GRIK2: variants seen among roughly 807,000 people sequenced by gnomAD.
GRIK2 encodes glutamate receptor ionotropic, kainate 2.
Under a neutral mutation model 100.3 loss-of-function variants are expected in GRIK2, and 32 were observed. The observed-to-expected ratio is 0.32, with a 90% CI of 0.24 to 0.43. GRIK2 has a LOEUF of 0.43. Among genes scored for constraint, GRIK2 ranks in the 20% least tolerant of loss-of-function variants. The pLI, the probability that GRIK2 is intolerant of heterozygous loss-of-function variation, is 1.00. For synonymous variants in GRIK2, 417 were observed against 389.4 expected, an observed-to-expected ratio of 1.07 and a Z score of -0.83; for missense variants, 843 against 1,114.9, an observed-to-expected ratio of 0.76 and a Z score of 3.47.
chr6:101,824,831 G>A (rs1216091215), intron 10 of GRIK2, among the ~76,000 whole-genome samples: 1 of 151,812 alleles, frequency 6.6e-6, no homozygotes, highest in Non-Finnish European at 1.5e-5. Flanking sequence ...TAAAGCTTTT[G>A]TGTCACAGCC....
At chr6:101,428,756 A>G (rs1391968443) in intron 2 of GRIK2, among the ~76,000 whole-genome samples, 1 of 152,206 alleles carries the variant, frequency 6.6e-6, no homozygotes, top group East Asian at 1.9e-4. Flanking sequence ...TTTGTTCAGT[A>G]GCCTTGTTTC....
chr6:102,006,754 G>A (rs1416074633), intron 14 of GRIK2, among the ~76,000 whole-genome samples: 1 of 151,632 alleles, frequency 6.6e-6, no homozygotes, highest in Non-Finnish European at 1.5e-5. Flanking sequence ...GCATGTTTAT[G>A]GAATAATGTT....
At chr6:101,607,741 C>A (rs191795856) in intron 2 of GRIK2, among the ~76,000 whole-genome samples, 1 of 151,976 alleles carries the variant, frequency 6.6e-6, no homozygotes, top group East Asian at 2.0e-4. Flanking sequence ...ATCAGCATCA[C>A]CTACATAGGC....
At chr6:102,031,072 G>T (rs926720342) in intron 14 of GRIK2, among the ~76,000 whole-genome samples, 5 of 111,670 alleles carry the variant, frequency 4.5e-5, no homozygotes, top group South Asian at 6.4e-4. Flanking sequence ...CAAGTATTAT[G>T]CATTACACAC....
At position 102,068,400 on chromosome 6, in the gene GRIK2, G is replaced by A. The variant is rs748474831; in HGVS notation, c.2616G>A (p.Gln872=). The A allele has an allele frequency of 2.9e-5, 47 of 1,611,940 alleles. No individual in the cohort carries two copies. The highest frequency in any genetic ancestry group is 3.7e-5 in the Non-Finnish European group (44 of 1,178,582). The change falls in exon 17 of 17, where the codon CAG becomes CAA. Residue 872 remains glutamine (Q), a synonymous_variant. Transcript: ENST00000369134. ...VEELRMSLKC[Q]RRLKHKPQAP... ...AATTGAGGATGTCCCTGAAGTGCCA[G>A]CGTCGGTTAAAACATAAGCCACAGG...
intron 12 of GRIK2, among the ~76,000 whole-genome samples, chr6:101,916,388 CT>C (rs1409598241): frequency 1.3e-5 from 2 of 151,238 alleles, no homozygotes; most frequent in Non-Finnish European, 3.0e-5. Flanking sequence ...TGATTTGGTT[CT>C]ACATAGTGAA....
At chr6:101,743,721 C>G (rs1776194474) in intron 7 of GRIK2, among the ~76,000 whole-genome samples, 1 of 152,074 alleles carries the variant, frequency 6.6e-6, no homozygotes, top group African/African-American at 2.4e-5. Context: ...CCTATCACTT[C>G]CATATTTTTT....
chr6:101,471,194 A>T (rs576722108), intron 2 of GRIK2, among the ~76,000 whole-genome samples: 1 of 152,050 alleles, frequency 6.6e-6, no homozygotes, highest in Non-Finnish European at 1.5e-5. Flanking sequence ...CTAATAGGTG[A>T]CTTTGGACAA....
intron 14 of GRIK2, among the ~76,000 whole-genome samples, chr6:102,027,128 A>T (rs1325536835): frequency 6.6e-6 from 1 of 151,362 alleles, no homozygotes; most frequent in African/African-American, 2.4e-5. Flanking sequence ...TCATAACAAA[A>T]TAAGAATTAT....
At position 101,896,117 on chromosome 6, in the gene GRIK2, G is replaced by A. The variant is rs558407324; in HGVS notation, c.1748+6254G>A. Reference sequence around the variant, plus strand: ...TCTTTATTTTAGTGGTTCCAGTGATGTTTATGGTTGCAAGTATATGTGGAG... The same window carrying A: ...TCTTTATTTTAGTGGTTCCAGTGATATTTATGGTTGCAAGTATATGTGGAG... On this transcript the variant is annotated intron_variant, in intron 12 of 16. Coordinates refer to ENST00000369134, the MANE Select transcript of GRIK2 (RefSeq NM_021956.5). 3.9e-4 allele frequency among the ~76,000 whole-genome samples: 59 copies of A among 151,748 alleles called. 1 individual carries two copies. In the South Asian group the frequency reaches 0.012, roughly 31 times the overall value.
intron 4 of GRIK2, among the ~76,000 whole-genome samples, chr6:101,642,332 C>A (rs149345781): frequency 5.9e-5 from 9 of 151,814 alleles, no homozygotes; most frequent in African/African-American, 2.2e-4. Flanking sequence ...GTAGTGCAAC[C>A]AATCTCCAGA....
At chr6:101,981,596 TACA>T (rs1793717650) in intron 14 of GRIK2, among the ~76,000 whole-genome samples, 1 of 151,860 alleles carries the variant, frequency 6.6e-6, no homozygotes, top group Non-Finnish European at 1.5e-5. Flanking sequence ...AGAAAGTTAG[TACA>T]ACGATGACGC....
chr6:102,004,393 G>A (rs184493243), intron 14 of GRIK2, among the ~76,000 whole-genome samples: 20 of 151,066 alleles, frequency 1.3e-4, no homozygotes, highest in Non-Finnish European at 8.9e-5. Flanking sequence ...AAGCTTTTAG[G>A]ATGTTAGAGA....
intron 7 of GRIK2, among the ~76,000 whole-genome samples, chr6:101,776,321 A>G (rs1291218495): frequency 6.6e-6 from 1 of 152,252 alleles, no homozygotes; most frequent in Non-Finnish European, 1.5e-5. Context: ...ATGTTCATAC[A>G]ATAGTTTGTT....
chr6:101,567,922 T>C (rs1777357051), intron 2 of GRIK2, among the ~76,000 whole-genome samples: 1 of 151,972 alleles, frequency 6.6e-6, no homozygotes, highest in Non-Finnish European at 1.5e-5. Context: ...ATTTTACCTT[T>C]TAAAATAATA....
intron 2 of GRIK2, among the ~76,000 whole-genome samples, chr6:101,535,566 TTA>T (rs1225178864): frequency 1.3e-5 from 2 of 151,616 alleles, no homozygotes; most frequent in Non-Finnish European, 3.0e-5. Flanking sequence ...ACCAATGCTC[TTA>T]TTTCAGTTGT....
chr6:101,776,235 G>C lies in GRIK2; in HGVS notation c.952-23413G>C, dbSNP rs76819065. On this transcript the variant is annotated intron_variant, in intron 7 of 16. Coordinates refer to ENST00000369134, the MANE Select transcript of GRIK2 (RefSeq NM_021956.5). ...TTGGCAGGTTTTATTTGTTCAGGCA[G>C]TAATTTGCTAGGATATGAACACAGT... 5.4e-4 allele frequency among the ~76,000 whole-genome samples: 82 copies of C among 152,272 alleles called. 2 individuals carry two copies. In the East Asian group the frequency reaches 0.015, roughly 28 times the overall value.
chr6:101,477,127 G>T (rs1184727496), intron 2 of GRIK2, among the ~76,000 whole-genome samples: 2 of 152,124 alleles, frequency 1.3e-5, no homozygotes, highest in Admixed American at 1.3e-4. Context: ...TAAAACTAGA[G>T]GGTCTGTGAA....
intron 9 of GRIK2, among the ~76,000 whole-genome samples, chr6:101,807,015 A>G (rs1467471201): frequency 2.0e-5 from 3 of 151,912 alleles, no homozygotes; most frequent in Non-Finnish European, 4.4e-5. Flanking sequence ...AGGACAAAGT[A>G]TGTACTCAAG....
Sources: allele counts gnomAD v4.1 joint callset (sites outside exome capture counted in the v4.1 genomes callset), GRCh38; gene constraint gnomAD v4.1.1; transcripts MANE v1.5; gene names NCBI Gene and HGNC (gene_info 2026-07-23, HGNC 2026-07-21).